Variants in COL21A1 observed in about 807,000 individuals in gnomAD.
COL21A1 encodes collagen alpha-1(XXI) chain.
Under a neutral mutation model 137.9 loss-of-function variants are expected in COL21A1, and 149 were observed. The ratio of observed to expected loss-of-function variants is 1.08; its 90% CI spans 0.95 to 1.24. The LOEUF (loss-of-function observed/expected upper bound fraction) is 1.24. Ranked by LOEUF, COL21A1 falls within the 50% of genes most tolerant of loss-of-function variation. The pLI, the probability that COL21A1 is intolerant of heterozygous loss-of-function variation, is 0.00. For synonymous variants in COL21A1, 456 were observed against 391.5 expected, an observed-to-expected ratio of 1.16 and a Z score of -1.95; for missense variants, 1,167 against 1,158.4, an observed-to-expected ratio of 1.01 and a Z score of -0.11.
intron 1 of COL21A1, among the ~76,000 whole-genome samples, chr6:56,265,439 A>G (rs1399268802): frequency 6.6e-6 from 1 of 152,234 alleles, no homozygotes. Context: ...AACTAAGGAG[A>G]CAACTGTCCC....
intron 17 of COL21A1, among the ~76,000 whole-genome samples, chr6:56,098,576 A>T (rs1437182034): frequency 0.1 from 791 of 7,688 alleles, 220 homozygotes; most frequent in East Asian, 0.17. Flanking sequence ...AATATATATA[A>T]ATATATATAA....
intron 12 of COL21A1, among the ~76,000 whole-genome samples, chr6:56,131,197 A>G (rs937614430): frequency 6.6e-6 from 1 of 152,068 alleles, no homozygotes; most frequent in African/African-American, 2.4e-5. Flanking sequence ...AATTGTGGTG[A>G]AATAATTGAT....
chr6:56,188,419 T>C (rs1285271334), intron 1 of COL21A1, among the ~76,000 whole-genome samples: 3 of 152,210 alleles, frequency 2.0e-5, no homozygotes, highest in Non-Finnish European at 2.9e-5. Flanking sequence ...GTGTGATATA[T>C]TCATACAATG....
rs770795657 is a variant in COL21A1, at chr6:56,179,655, G to C, written c.563C>G (p.Ser188Cys). The change falls in exon 3 of 30, where the codon TCT becomes TGT. Residue 188 changes from serine (S) to cysteine (C), a missense_variant. Physicochemically the swap from Ser to Cys is moderately radical, Grantham distance 112. Coordinates refer to ENST00000244728, the MANE Select transcript of COL21A1 (RefSeq NM_030820.4). Reference protein sequence around the residue: ...ELRAIANKPSSTYVFYVEDYI... With the variant: ...ELRAIANKPSCTYVFYVEDYI... ...GTCTTCCACATAAAACACATAAGTAGACGAAGGCTTGTTGGCAATAGCTCT... is the reference window on the plus strand; with the variant it reads ...GTCTTCCACATAAAACACATAAGTACACGAAGGCTTGTTGGCAATAGCTCT... The C allele has an allele frequency of 6.2e-7, 1 of 1,613,854 alleles. No homozygotes were observed. The highest frequency in any genetic ancestry group is 8.5e-7 in the Non-Finnish European group (1 of 1,179,848).
At chr6:56,064,707 A>G (rs564449253) in intron 23 of COL21A1, 85 bp from the exon 24 acceptor site, 1 of 759,104 alleles carries the variant, frequency 1.3e-6, no homozygotes, top group South Asian at 2.2e-5. Flanking sequence ...TATTACCTTG[A>G]GTTCCAGAAG....
chr6:56,330,792 G>A (rs879399507), intron 1 of COL21A1, among the ~76,000 whole-genome samples: 2 of 152,028 alleles, frequency 1.3e-5, no homozygotes, highest in African/African-American at 4.8e-5. Context: ...TGATGTCAAG[G>A]TTTATTTTTC....
intron 16 of COL21A1, among the ~76,000 whole-genome samples, chr6:56,123,536 A>T (rs562741095): frequency 6.6e-6 from 1 of 152,276 alleles, no homozygotes; most frequent in South Asian, 2.1e-4. Flanking sequence ...TGGCTTATAC[A>T]AATCTTCTCC....
chr6:56,169,520 G>A (rs1319302540), intron 5 of COL21A1, among the ~76,000 whole-genome samples: 4 of 151,780 alleles, frequency 2.6e-5, no homozygotes, highest in Non-Finnish European at 5.9e-5. Flanking sequence ...CTTACACCTA[G>A]ATAGCTTTTT....
intron 1 of COL21A1, among the ~76,000 whole-genome samples, chr6:56,352,486 C>A (rs1033469803): frequency 6.6e-6 from 1 of 151,080 alleles, no homozygotes; most frequent in East Asian, 1.9e-4. Context: ...CCTGGCTCCA[C>A]GCAGCAAAAC....
At chr6:56,082,990 C>A (rs1200389432) in intron 17 of COL21A1, among the ~76,000 whole-genome samples, 2 of 65,882 alleles carry the variant, frequency 3.0e-5, no homozygotes, top group Non-Finnish European at 5.9e-5. Context: ...AATAATGAAA[C>A]AATTGACAAG....
chr6:56,355,012 C>T (rs1368938962), intron 1 of COL21A1, among the ~76,000 whole-genome samples: 4 of 152,110 alleles, frequency 2.6e-5, no homozygotes, highest in Non-Finnish European at 5.9e-5. Flanking sequence ...CCTGCCATTC[C>T]TATACAAATT....
chr6:56,275,323 C>A (rs1019874445), intron 1 of COL21A1, among the ~76,000 whole-genome samples: 3 of 152,016 alleles, frequency 2.0e-5, no homozygotes, highest in African/African-American at 7.2e-5. Context: ...TTGGCTAAGT[C>A]CCCAAAAGCA....
intron 1 of COL21A1, among the ~76,000 whole-genome samples, chr6:56,364,020 T>A (rs930345545): frequency 6.6e-6 from 1 of 152,162 alleles, no homozygotes; most frequent in Admixed American, 6.5e-5. Flanking sequence ...AAGCGTTCAA[T>A]AGGTTGGAAA....
chr6:56,344,715 G>A (rs1765551615), intron 1 of COL21A1, among the ~76,000 whole-genome samples: 1 of 149,934 alleles, frequency 6.7e-6, no homozygotes, highest in Non-Finnish European at 1.5e-5. Flanking sequence ...GGTCATGGGG[G>A]CAGATTTCCC....
chr6:56,115,804 T>C (rs1561880521), intron 16 of COL21A1, among the ~76,000 whole-genome samples: 1 of 152,066 alleles, frequency 6.6e-6, no homozygotes. Flanking sequence ...AGAATTATAT[T>C]AGATAAATTT....
intron 10 of COL21A1, among the ~76,000 whole-genome samples, chr6:56,145,656 T>C (rs1356356697): frequency 1.4e-5 from 1 of 70,590 alleles, no homozygotes; most frequent in Non-Finnish European, 2.7e-5. Context: ...ATTGAGTTCT[T>C]ATTTTTCAGA....
rs1308505413 is a variant in COL21A1, at chr6:56,348,781, T to G, written c.-39+45190A>C. Among the ~76,000 whole-genome samples the G allele has an allele frequency of 2.6e-5, 4 of 152,218 alleles. No homozygotes were observed. The East Asian group carries it at 7.7e-4, about 29-fold the overall frequency. On this transcript the variant is annotated intron_variant, in intron 1 of 28. Coordinates refer to the COL21A1 transcript ENST00000370819. Reference sequence around the variant, plus strand: ...ATAACAGGGCAATTGTCCTCCTTTGTGAAGACAGGAAGTGGGATCTTTCCC... The same window carrying G: ...ATAACAGGGCAATTGTCCTCCTTTGGGAAGACAGGAAGTGGGATCTTTCCC...
intron 1 of COL21A1, chr6:56,231,271 A>G (rs1054152736): frequency 3.9e-5 from 6 of 151,940 alleles, no homozygotes; most frequent in African/African-American, 1.4e-4. Flanking sequence ...TTCTTACCAT[A>G]TAAAAGGAAG....
At chr6:56,136,755 T>C (rs1480900128) in intron 12 of COL21A1, among the ~76,000 whole-genome samples, 1 of 152,206 alleles carries the variant, frequency 6.6e-6, no homozygotes, top group Non-Finnish European at 1.5e-5. Flanking sequence ...AATTTTTATA[T>C]ATGAGTCTAC....
Sources: gnomAD v4.1 joint callset for allele counts (sites outside exome capture counted in the v4.1 genomes callset) on GRCh38, gnomAD v4.1.1 for gene constraint, MANE v1.5 for transcripts, NCBI Gene and HGNC (gene_info 2026-07-23, HGNC 2026-07-21) for gene names.